Variants in C1QL3 observed in about 807,000 individuals in gnomAD.
C1QL3 encodes the protein complement C1q-like protein 3.
A neutral mutation model predicts 16.6 loss-of-function variants in C1QL3; 4 were observed. The observed-to-expected ratio is 0.24, with a 90% CI of 0.12 to 0.55. The LOEUF is 0.55. Among genes scored for constraint, C1QL3 ranks in the 20% least tolerant of loss-of-function variants. C1QL3 has a pLI of 0.94. For synonymous variants in C1QL3, 189 were observed against 160.2 expected, an observed-to-expected ratio of 1.18 and a Z score of -1.36; for missense variants, 269 against 365.6, an observed-to-expected ratio of 0.74 and a Z score of 2.16.
intron 1 of C1QL3, among the ~76,000 whole-genome samples, chr10:16,515,234 A>AG (rs200381787): frequency 0.014 from 2,166 of 151,714 alleles, 48 homozygotes; most frequent in African/African-American, 0.049. Flanking sequence ...GAAAAAAAAA[A>AG]AAAAGAAAAA....
At position 16,519,510 on chromosome 10, in the gene C1QL3, C is replaced by T. The variant is rs1015767188; in HGVS notation, c.588+968G>A. On this transcript the variant is annotated intron_variant, in intron 1 of 1. Transcript: ENST00000298943. ...TTTAGGTAGTTACAAATATTATTTT[C>T]CTCCTTTGACTAAGAGATCAAACAA... 1.6e-4 allele frequency among the ~76,000 whole-genome samples: 25 copies of T among 152,096 alleles called. 2 individuals are homozygous for T. The highest frequency in any genetic ancestry group is 4.4e-5 in the Non-Finnish European group (3 of 68,022).
chr10:16,521,275 G>C lies in C1QL3; in HGVS notation c.-210C>G, dbSNP rs1837038911. ...TGCCGACTCCTGCTCCCCCCGCGGA[G>C]GCTGCGGCTGGGGAGGGAGCGCGGG... On this transcript the variant is annotated 5_prime_UTR_variant, in exon 1 of 2. Coordinates refer to ENST00000298943, the MANE Select transcript of C1QL3 (RefSeq NM_001010908.2). The C allele has an allele frequency of 3.8e-6, 2 of 524,772 alleles. No individual in the cohort carries two copies. The highest frequency in any genetic ancestry group is 7.1e-5 in the East Asian group (2 of 28,306). The allele number at this position is 524,772 out of a possible 1,614,324, so 32.5% of individuals were successfully genotyped here.
Position 16,520,929 on chromosome 10 carries a change from G to A in C1QL3, c.137C>T (p.Thr46Met). ...GGTKAPSTAA[T>M]PDRGLMQSLP... The stretch of plus-strand genomic sequence containing the variant: ...GGACTGCATGAGGCCGCGGTCGGGC[G>A]TGGCAGCGGTGCTGGGCGCCTTGGT... The change falls in exon 1 of 2, where the codon ACG becomes ATG. Residue 46 changes from threonine (T) to methionine (M), a missense_variant. Thr to Met is a moderately conservative substitution (Grantham distance 81, BLOSUM62 -1). Around this residue, in one of 2 missense-constraint regions of C1QL3, gnomAD observed 246 missense variants for 297.2 expected, o/e 0.83. Coordinates refer to ENST00000298943, the MANE Select transcript of C1QL3 (RefSeq NM_001010908.2). The surrounding 1 kb of genome is among the most constrained non-coding windows in gnomAD (Gnocchi z 8.3). The A allele has an allele frequency of 6.4e-7, 1 of 1,565,818 alleles. No homozygotes were observed. The highest frequency in any genetic ancestry group is 8.6e-7 in the Non-Finnish European group (1 of 1,164,494).
At chr10:16,516,233 T>C (rs1398776541) in intron 1 of C1QL3, among the ~76,000 whole-genome samples, 3 of 152,194 alleles carry the variant, frequency 2.0e-5, no homozygotes, top group Non-Finnish European at 2.9e-5. Flanking sequence ...TTGGAAGCAC[T>C]GACTCCAATA....
chr10:16,516,790 T>C (rs2133538383), intron 1 of C1QL3, among the ~76,000 whole-genome samples: 1 of 152,352 alleles, frequency 6.6e-6, no homozygotes, highest in South Asian at 2.1e-4. Context: ...GCGAATGCAT[T>C]AGAGTGATTC....
At chr10:16,516,502 T>C (rs998081705) in intron 1 of C1QL3, among the ~76,000 whole-genome samples, 90 of 152,212 alleles carry the variant, frequency 5.9e-4, no homozygotes, top group African/African-American at 2.1e-3. Context: ...ATATTAGTAA[T>C]ACATTAGTTA....
In C1QL3 at chr10:16,521,282, G is replaced by A; in HGVS notation, c.-217C>T. On this transcript the variant is annotated 5_prime_UTR_variant, in exon 1 of 2. Transcript: ENST00000298943. ...TCCTGCTCCCCCCGCGGAGGCTGCG[G>A]CTGGGGAGGGAGCGCGGGCGCCCAG... 3 of 507,684 alleles carry A rather than the reference G, an allele frequency of 5.9e-6. No homozygotes were observed. The highest frequency in any genetic ancestry group is 1.0e-5 in the Non-Finnish European group (3 of 291,080). 31.4% of individuals were successfully genotyped at this position (507,684 alleles called of 1,614,324 possible).
rs1171957561 is a variant in C1QL3 at position 16,520,956 on chromosome 10, C to T, written c.110G>A (p.Gly37Asp). Residue 37 changes from glycine to aspartate, a missense_variant, in exon 1 of 2, where the codon GGC becomes GAC. Physicochemically the swap from Gly to Asp is moderately conservative, Grantham distance 94. Transcript: ENST00000298943. This position sits in a 1 kb window ranked among gnomAD's most constrained non-coding sequence, Gnocchi z 8.3. ...TCRMVCDPYGGTKAPSTAATP... is the reference protein window; with the variant it reads ...TCRMVCDPYGDTKAPSTAATP... ...GGCAGCGGTGCTGGGCGCCTTGGTG[C>T]CCCCGTAGGGGTCGCAGACCATGCG... 6 of 1,578,952 alleles carry T rather than the reference C, an allele frequency of 3.8e-6. No homozygotes were observed. The highest frequency in any genetic ancestry group is 3.5e-5 in the Admixed American group (2 of 57,056).
At chr10:16,517,212 C>A (rs528166395) in intron 1 of C1QL3, among the ~76,000 whole-genome samples, 20 of 152,292 alleles carry the variant, frequency 1.3e-4, no homozygotes, top group African/African-American at 4.8e-4. Context: ...ACTCTAATAT[C>A]TTTTCTTATT....
At position 16,514,185 on chromosome 10, in the gene C1QL3, A is replaced by G; in HGVS notation, c.*343T>C. The stretch of plus-strand genomic sequence containing the variant: ...CTGACATATGGATAAAAGCAGCAAG[A>G]TCACAGTACACCAAAGTATCATATA... On this transcript the variant is annotated 3_prime_UTR_variant, in exon 2 of 2. Coordinates refer to ENST00000298943, the MANE Select transcript of C1QL3 (RefSeq NM_001010908.2). The G allele has an allele frequency of 2.5e-6, 1 of 400,150 alleles. No individual in the cohort carries two copies. The highest frequency in any genetic ancestry group is 3.5e-5 in the East Asian group (1 of 28,176). The allele number at this position is 400,150 out of a possible 1,614,324, so 24.8% of individuals were successfully genotyped here.
chr10:16,521,609 G>A lies in C1QL3; in HGVS notation c.-544C>T, dbSNP rs1564418814. On this transcript the variant is annotated 5_prime_UTR_variant, in exon 1 of 2. Coordinates refer to ENST00000298943, the MANE Select transcript of C1QL3 (RefSeq NM_001010908.2). ...TTTCGCTCGCTCAGTTCGCCCGTCC[G>A]CTGCCTTTTTTTTTTATTGCCTCCT... 2 of 152,760 alleles carry A rather than the reference G, an allele frequency of 1.3e-5. No homozygotes were observed. Among genetic ancestry groups the A allele is most frequent in the African/African-American group, 2.4e-5 (1 of 41,354 alleles). The allele number at this position is 152,760 out of a possible 1,614,324, so 9.5% of individuals were successfully genotyped here.
intron 1 of C1QL3, among the ~76,000 whole-genome samples, chr10:16,516,193 T>C (rs1450687830): frequency 1.3e-5 from 2 of 152,174 alleles, no homozygotes; most frequent in Non-Finnish European, 1.5e-5. Flanking sequence ...GGCACTAATA[T>C]AATGAAAGCA....
chr10:16,520,773 C>G lies in C1QL3; in HGVS notation c.293G>C (p.Arg98Pro), dbSNP rs561906962. Residue 98 changes from arginine (R) to proline (P), a missense_variant, in exon 1 of 2, where the codon CGC becomes CCC. Transcript: ENST00000298943. The surrounding 1 kb of genome is among the most constrained non-coding windows in gnomAD (Gnocchi z 8.3). ...GPPGEKGEPG[R>P]QGLPGPPGAP... is the part of the protein sequence containing the mutation. ...CCCGGGCGGGCCCGGCAGGCCTTGGCGGCCCGGCTCGCCCTTCTCGCCCGG... is the reference window on the plus strand; with the variant it reads ...CCCGGGCGGGCCCGGCAGGCCTTGGGGGCCCGGCTCGCCCTTCTCGCCCGG... The G allele has an allele frequency of 1.0e-4, 136 of 1,304,962 alleles. No homozygotes were observed. The highest frequency in any genetic ancestry group is 2.5e-4 in the Middle Eastern group (1 of 3,970). 80.8% of individuals were successfully genotyped at this position (1,304,962 alleles called of 1,614,324 possible). A position where few individuals can be genotyped will look rare whatever the true frequency, so the allele number is the denominator to read the frequency against.
At chr10:16,517,838 C>G (rs1000578398) in intron 1 of C1QL3, among the ~76,000 whole-genome samples, 1 of 152,114 alleles carries the variant, frequency 6.6e-6, no homozygotes, top group South Asian at 2.1e-4. Context: ...TTTCATTGTA[C>G]TTCTGTGGAA....
rs1588639537 is a variant in C1QL3 at position 16,513,966 on chromosome 10, A to C, written c.*562T>G. 1.4e-5 allele frequency: 3 copies of C among 212,522 alleles called. No individual in the cohort carries two copies. The East Asian group carries it at 3.0e-4, about 21-fold the overall frequency. 13.2% of individuals were successfully genotyped at this position (212,522 alleles called of 1,614,324 possible). A position where few individuals can be genotyped will look rare whatever the true frequency, so the allele number is the denominator to read the frequency against. ...AATTCCCTCAAATCCAGAAAATTCC[A>C]GGTTAAGGCTTGAAGTTGAATCATT... On this transcript the variant is annotated 3_prime_UTR_variant, in exon 2 of 2. Coordinates refer to ENST00000298943, the MANE Select transcript of C1QL3 (RefSeq NM_001010908.2).
At chr10:16,519,496 A>G (rs1004673236) in intron 1 of C1QL3, among the ~76,000 whole-genome samples, 14 of 152,106 alleles carry the variant, frequency 9.2e-5, no homozygotes, top group Admixed American at 6.5e-5. Flanking sequence ...TTAGGTAGTT[A>G]CAAATATTAT....
In C1QL3 at chr10:16,521,614, CT is replaced by C. The variant is rs966327132; in HGVS notation, c.-550del. 6.7e-3 allele frequency: 1,002 copies of C among 149,140 alleles called. 10 individuals carry two copies. The highest frequency in any genetic ancestry group is 0.021 in the African/African-American group (854 of 40,850). The allele number at this position is 149,140 out of a possible 1,614,324, so 9.2% of individuals were successfully genotyped here. ...CTCGCTCAGTTCGCCCGTCCGCTGC[CT>C]TTTTTTTTTATTGCCTCCTTTCTCT... On this transcript the variant is annotated 5_prime_UTR_variant, in exon 1 of 2. Coordinates refer to ENST00000298943, the MANE Select transcript of C1QL3 (RefSeq NM_001010908.2).
At position 16,520,844 on chromosome 10, in the gene C1QL3, C is replaced by G; in HGVS notation, c.222G>C (p.Pro74=). ...GCCCGGGCTCTCCGGGGGGCCCGCG[C>G]GGACCCGCCTTCCCGGGCCTGCCGG... ...GEAGRPGKAG[P]RGPPGEPGPP... is the part of the protein sequence containing the mutation. Residue 74 remains proline (P), a synonymous_variant, in exon 1 of 2, where the codon CCG becomes CCC. Transcript: ENST00000298943. This position sits in a 1 kb window ranked among gnomAD's most constrained non-coding sequence, Gnocchi z 8.3. The G allele has an allele frequency of 7.1e-7, 1 of 1,408,232 alleles. No homozygotes were observed. Among genetic ancestry groups the G allele is most frequent in the Non-Finnish European group, 9.2e-7 (1 of 1,084,576 alleles). 87.2% of individuals were successfully genotyped at this position (1,408,232 alleles called of 1,614,324 possible). A position where few individuals can be genotyped will look rare whatever the true frequency, so the allele number is the denominator to read the frequency against.
rs1396913187 is a variant in C1QL3 at position 16,521,083 on chromosome 10, C to G, written c.-18G>C. On this transcript the variant is annotated 5_prime_UTR_variant, in exon 1 of 2. Coordinates refer to ENST00000298943, the MANE Select transcript of C1QL3 (RefSeq NM_001010908.2). ...AGCACCATCACCACCCCCAGCGCCC[C>G]GGCGGCGATCAGGCGCCTCCTGCTG... 1 of 1,585,572 alleles carries G rather than the reference C, an allele frequency of 6.3e-7. No homozygotes were observed. The highest frequency in any genetic ancestry group is 8.5e-7 in the Non-Finnish European group (1 of 1,172,334).
Sources: gnomAD v4.1 joint callset for allele counts (sites outside exome capture counted in the v4.1 genomes callset) on GRCh38, gnomAD v4.1.1 for gene constraint, gnomAD v4.1.1 regional missense constraint, Gnocchi (gnomAD v3.1) non-coding constraint, MANE v1.5 for transcripts, NCBI Gene and HGNC (gene_info 2026-07-23, HGNC 2026-07-21) for gene names.